The following LOC400499 variants were observed in gnomAD, a reference collection of about 807,000 sequenced individuals.
At chr16:11,399,832 G>C in the LOC400499 span, 1 of 398,886 alleles carries the variant, frequency 2.5e-6, no homozygotes. Context: ...TGGGATGGGA[G>C]GGCAGTGGTG....
At chr16:11,503,389 T>C in the LOC400499 span, among the ~76,000 whole-genome samples, 1 of 152,142 alleles carries the variant, frequency 6.6e-6, no homozygotes, top group East Asian at 1.9e-4. Context: ...TCCCTCCTGG[T>C]ACCCCTGAAG....
the LOC400499 span, among the ~76,000 whole-genome samples, chr16:11,469,823 AC>A: frequency 6.6e-6 from 1 of 152,226 alleles, no homozygotes; most frequent in African/African-American, 2.4e-5. Context: ...GACCATGTCC[AC>A]AGGGTCGCAA....
the LOC400499 span, chr16:11,372,623 G>T: frequency 2.0e-6 from 1 of 497,596 alleles, no homozygotes; most frequent in Non-Finnish European, 2.6e-6. Flanking sequence ...GGCATTCCAT[G>T]CTGGTTATTC....
chr16:11,449,494 G>T, the LOC400499 span, among the ~76,000 whole-genome samples: 2 of 152,170 alleles, frequency 1.3e-5, no homozygotes, highest in Non-Finnish European at 2.9e-5. Context: ...CTAGGAAGAG[G>T]TGGGTGTCAT....
chr16:11,460,374 G>C, the LOC400499 span: 1 of 1,320,712 alleles, frequency 7.6e-7, no homozygotes, highest in Non-Finnish European at 1.0e-6. Flanking sequence ...CTATGTGATT[G>C]TGAGCAAGTC....
the LOC400499 span, among the ~76,000 whole-genome samples, chr16:11,403,090 T>C: frequency 1.3e-5 from 2 of 151,848 alleles, no homozygotes; most frequent in African/African-American, 2.4e-5. Flanking sequence ...CCGACATCAC[T>C]TGACCCCATC....
At chr16:11,479,955 G>A in the LOC400499 span, among the ~76,000 whole-genome samples, 1 of 152,054 alleles carries the variant, frequency 6.6e-6, no homozygotes, top group Non-Finnish European at 1.5e-5. Flanking sequence ...TTTATAAATT[G>A]AATTTGGAAA....
At chr16:11,420,598 C>T in the LOC400499 span, among the ~76,000 whole-genome samples, 4 of 58,600 alleles carry the variant, frequency 6.8e-5, no homozygotes, top group African/African-American at 2.2e-4. Context: ...TAATAATAAA[C>T]CCCCCCCCCC....
the LOC400499 span, among the ~76,000 whole-genome samples, chr16:11,459,220 G>C: frequency 1.2e-5 from 1 of 82,004 alleles, no homozygotes; most frequent in Non-Finnish European, 2.3e-5. Context: ...TTTTTGAAAA[G>C]GAGTCTCGCT....
chr16:11,435,163 G>A, the LOC400499 span, among the ~76,000 whole-genome samples: 1 of 151,772 alleles, frequency 6.6e-6, no homozygotes, highest in Non-Finnish European at 1.5e-5. Flanking sequence ...AAAATTTTCT[G>A]TACAGATGGG....
the LOC400499 span, among the ~76,000 whole-genome samples, chr16:11,480,761 C>A: frequency 6.6e-6 from 1 of 152,176 alleles, no homozygotes; most frequent in Non-Finnish European, 1.5e-5. Flanking sequence ...CTGTATGTAA[C>A]AGCCAGCAAC....
chr16:11,385,199 TCTC>T, the LOC400499 span: 5 of 1,231,990 alleles, frequency 4.1e-6, no homozygotes, highest in East Asian at 1.6e-4. Flanking sequence ...CTGCCATGCC[TCTC>T]CTGCTCACCT....
chr16:11,460,042 G>A, the LOC400499 span: 2 of 1,445,606 alleles, frequency 1.4e-6, no homozygotes, highest in Non-Finnish European at 9.1e-7. Context: ...TCCTCCTCAT[G>A]CCAGAGCTGG....
chr16:11,438,198 G>T, the LOC400499 span, among the ~76,000 whole-genome samples: 4 of 152,136 alleles, frequency 2.6e-5, no homozygotes, highest in African/African-American at 9.7e-5. Context: ...ACAGACATCA[G>T]CTCCTGGAAC....
the LOC400499 span, among the ~76,000 whole-genome samples, chr16:11,519,947 C>A: frequency 6.6e-6 from 1 of 152,132 alleles, no homozygotes; most frequent in African/African-American, 2.4e-5. Flanking sequence ...AGGTGATCCA[C>A]CCGCCTCGGC....
the LOC400499 span, chr16:11,478,740 T>C: frequency 1.0e-5 from 4 of 398,750 alleles, no homozygotes; most frequent in Middle Eastern, 6.2e-4. Context: ...AGCAGAGTGA[T>C]ATGGTTTGGC....
the LOC400499 span, chr16:11,381,110 G>T: frequency 6.6e-6 from 1 of 152,166 alleles, no homozygotes; most frequent in Admixed American, 6.5e-5. Flanking sequence ...ATGTTCAACC[G>T]ATGCTTTATG....
chr16:11,394,492 A>C, the LOC400499 span, among the ~76,000 whole-genome samples: 1 of 152,276 alleles, frequency 6.6e-6, no homozygotes, highest in South Asian at 2.1e-4. Flanking sequence ...CACAAAACTT[A>C]ACAGGACTTA....
the LOC400499 span, among the ~76,000 whole-genome samples, chr16:11,479,161 T>G: frequency 5.9e-5 from 9 of 152,168 alleles, no homozygotes; most frequent in Non-Finnish European, 8.8e-5. Context: ...GGTCAAGAAC[T>G]TGTGGGATCC....
Sources: allele counts gnomAD v4.1 joint callset (sites outside exome capture counted in the v4.1 genomes callset), GRCh38; gene constraint gnomAD v4.1.1; transcripts MANE v1.5.